The following TRAPPC9 variants were observed in gnomAD, a reference collection of about 807,000 sequenced individuals.
TRAPPC9 encodes the protein trafficking protein particle complex subunit 9, also known as IKK2 binding protein.
A neutral mutation model predicts 124.0 loss-of-function variants in TRAPPC9; 83 were observed. That is an observed-to-expected ratio of 0.67 (90% CI 0.56 to 0.80). TRAPPC9 has a LOEUF of 0.80. Ranked by LOEUF, TRAPPC9 falls within the 30% of genes least tolerant of loss-of-function variation. The pLI, the probability that TRAPPC9 is intolerant of heterozygous loss-of-function variation, is 0.00. For synonymous variants in TRAPPC9, 638 were observed against 617.5 expected (o/e 1.03, Z -0.49); for missense variants, 1,302 against 1,508.3 (o/e 0.86, Z 2.27).
At chr8:139,943,893 AAAC>A (rs1273900055) in intron 19 of TRAPPC9, among the ~76,000 whole-genome samples, 3 of 152,186 alleles carry the variant, frequency 2.0e-5, no homozygotes, top group Non-Finnish European at 4.4e-5. Flanking sequence ...GCTAGGAAAA[AAAC>A]AAAACAAAAC....
At chr8:140,280,739 C>T (rs957165259) in intron 14 of TRAPPC9, among the ~76,000 whole-genome samples, 3 of 152,066 alleles carry the variant, frequency 2.0e-5, no homozygotes, top group African/African-American at 7.2e-5. Flanking sequence ...CAGCCTGATA[C>T]CCAGTTTTAA....
At chr8:139,938,701 A>G (rs1411161952) in intron 19 of TRAPPC9, among the ~76,000 whole-genome samples, 2 of 150,744 alleles carry the variant, frequency 1.3e-5, no homozygotes, top group Admixed American at 1.3e-4. Context: ...TGTGGACTGC[A>G]GTGGCGCAAT....
chr8:139,800,317 C>G (rs1823394928), intron 21 of TRAPPC9, among the ~76,000 whole-genome samples: 1 of 152,202 alleles, frequency 6.6e-6, no homozygotes, highest in African/African-American at 2.4e-5. Flanking sequence ...GCCAACAGGG[C>G]CAGGGAAGTG....
At chr8:139,747,348 A>G (rs1040337986) in intron 21 of TRAPPC9, among the ~76,000 whole-genome samples, 5 of 151,816 alleles carry the variant, frequency 3.3e-5, no homozygotes, top group African/African-American at 1.2e-4. Flanking sequence ...CCTTTCCTAG[A>G]GGAGGAAGCT....
intron 17 of TRAPPC9, among the ~76,000 whole-genome samples, chr8:140,066,723 A>G (rs1842911843): frequency 6.6e-6 from 1 of 152,240 alleles, no homozygotes; most frequent in African/African-American, 2.4e-5. Flanking sequence ...AGTCCAATAT[A>G]TAATGGAAAA....
At chr8:140,020,171 C>A (rs6578057) in intron 18 of TRAPPC9, among the ~76,000 whole-genome samples, 73,156 of 151,840 alleles carry the variant, frequency 0.48, 18,012 homozygotes, top group Middle Eastern at 0.64. Context: ...TTTATTGTTA[C>A]TATTTTCAGA....
chr8:140,443,732 C>T (rs2071131067), intron 2 of TRAPPC9, among the ~76,000 whole-genome samples: 1 of 152,020 alleles, frequency 6.6e-6, no homozygotes, highest in African/African-American at 2.4e-5. Context: ...AAAACCCTGT[C>T]TCTACTAAAA....
intron 19 of TRAPPC9, among the ~76,000 whole-genome samples, chr8:139,930,026 G>C (rs527316436): frequency 6.6e-6 from 1 of 151,524 alleles, no homozygotes; most frequent in South Asian, 2.1e-4. Flanking sequence ...GGATTCTGCC[G>C]ATTCTCTACA....
chr8:140,189,542 G>A (rs1201592883), intron 17 of TRAPPC9, among the ~76,000 whole-genome samples: 7 of 152,156 alleles, frequency 4.6e-5, no homozygotes, highest in Admixed American at 1.3e-4. Flanking sequence ...AGGCCTAGAC[G>A]GCTCCTAAGG....
chr8:139,740,567 T>G (rs1818485980), intron 21 of TRAPPC9, among the ~76,000 whole-genome samples: 1 of 152,198 alleles, frequency 6.6e-6, no homozygotes. Context: ...GCAGCTTTAT[T>G]TGCAGAAGCA....
chr8:139,861,686 T>C (rs9886648), intron 21 of TRAPPC9, among the ~76,000 whole-genome samples: 94,525 of 152,020 alleles, frequency 0.62, 31,652 homozygotes, highest in African/African-American at 0.87. Context: ...TCTAGGCCAC[T>C]GGAGAGGGGA....
intron 9 of TRAPPC9, among the ~76,000 whole-genome samples, chr8:140,332,431 A>T (rs1356426027): frequency 6.6e-6 from 1 of 152,134 alleles, no homozygotes; most frequent in Non-Finnish European, 1.5e-5. Flanking sequence ...AGTAACAACA[A>T]TTTTTTGTGT....
At chr8:140,105,972 A>T (rs1422800354) in intron 17 of TRAPPC9, among the ~76,000 whole-genome samples, 1 of 151,862 alleles carries the variant, frequency 6.6e-6, no homozygotes, top group Non-Finnish European at 1.5e-5. Context: ...CGAGCAATCA[A>T]AGGTCCAAGC....
chr8:139,863,138 T>G (rs1198074031), intron 21 of TRAPPC9, among the ~76,000 whole-genome samples: 3 of 152,244 alleles, frequency 2.0e-5, no homozygotes, highest in Admixed American at 6.5e-5. Flanking sequence ...GGCTGCATTT[T>G]ATGCAAAGTG....
chr8:140,381,620 A>G (rs959215806), intron 7 of TRAPPC9, among the ~76,000 whole-genome samples: 6 of 122,762 alleles, frequency 4.9e-5, no homozygotes, highest in Non-Finnish European at 8.0e-5. Context: ...GTGAGTCGAG[A>G]TTGTGCCACT....
At chr8:140,052,229 CAA>C (rs1244812528) in intron 17 of TRAPPC9, among the ~76,000 whole-genome samples, 117 of 151,366 alleles carry the variant, frequency 7.7e-4, no homozygotes, top group Admixed American at 2.2e-3. Flanking sequence ...ACAACAACAA[CAA>C]CAACAACAAC....
chr8:139,876,989 G>A (rs1226319731), intron 21 of TRAPPC9, among the ~76,000 whole-genome samples: 1 of 152,216 alleles, frequency 6.6e-6, no homozygotes, highest in African/African-American at 2.4e-5. Flanking sequence ...TGCCTCCCAG[G>A]CTGGTGTTGC....
chr8:140,217,293 G>A (rs1397919149), intron 17 of TRAPPC9, among the ~76,000 whole-genome samples: 1 of 152,162 alleles, frequency 6.6e-6, no homozygotes, highest in Non-Finnish European at 1.5e-5. Flanking sequence ...ATCCTCTGTG[G>A]CCTTGAGGAG....
At chr8:139,748,867 G>C (rs2130176398) in intron 21 of TRAPPC9, among the ~76,000 whole-genome samples, 1 of 152,256 alleles carries the variant, frequency 6.6e-6, no homozygotes, top group Middle Eastern at 3.4e-3. Context: ...CAGGGCCTGT[G>C]TGTATGGGGC....
Sources: gnomAD v4.1 joint callset for allele counts (sites outside exome capture counted in the v4.1 genomes callset) on GRCh38, gnomAD v4.1.1 for gene constraint, MANE v1.5 for transcripts, NCBI Gene and HGNC (gene_info 2026-07-23, HGNC 2026-07-21) for gene names.